Variants in PALM2AKAP2 observed in about 807,000 individuals in gnomAD.
The protein encoded by PALM2AKAP2 is PALM2-AKAP2 fusion protein.
In PALM2AKAP2, 37 loss-of-function variants were observed where a neutral mutation model predicts 71.5. The ratio of observed to expected loss-of-function variants is 0.52; its 90% CI spans 0.40 to 0.68. PALM2AKAP2 has a LOEUF of 0.68. Among genes scored for constraint, PALM2AKAP2 ranks in the 30% least tolerant of loss-of-function variants. The probability of loss-of-function intolerance (pLI) is 0.00; values close to 1 mark genes in which losing one functional copy is unlikely to be tolerated. For missense variants in PALM2AKAP2, 1,224 were observed against 1,191.8 expected, an observed-to-expected ratio of 1.03 and a Z score of -0.40; for synonymous variants, 468 against 478.8, an observed-to-expected ratio of 0.98 and a Z score of 0.29.
chr9:109,767,057 G>C (rs905021300), intron 1 of PALM2AKAP2, among the ~76,000 whole-genome samples: 1 of 152,144 alleles, frequency 6.6e-6, no homozygotes, highest in Non-Finnish European at 1.5e-5. Flanking sequence ...ACACCGATAT[G>C]AGTTAGGCAC....
At chr9:109,671,400 A>G (rs999031668) in intron 1 of PALM2AKAP2, among the ~76,000 whole-genome samples, 2 of 152,176 alleles carry the variant, frequency 1.3e-5, no homozygotes, top group East Asian at 1.9e-4. Flanking sequence ...TTTGTTGAAG[A>G]ACGGATAGTT....
In PALM2AKAP2 at chr9:109,758,899, T is replaced by C. The variant is rs150633301; in HGVS notation, c.6-21589T>C. On this transcript the variant is annotated intron_variant, in intron 1 of 6. Transcript: ENST00000374531. ...AGTTGTACCTATTTGTGGGGTATAA[T>C]GTGAGATAGTGCAGCTTTCATTTGC... Among the ~76,000 whole-genome samples, 12 of 152,272 alleles carry C rather than the reference T, an allele frequency of 7.9e-5. No individual in the cohort carries two copies. In the East Asian group the frequency reaches 2.1e-3, roughly 27 times the overall value.
At chr9:109,648,835 C>T (rs1184711744) in intron 1 of PALM2AKAP2, among the ~76,000 whole-genome samples, 1 of 152,190 alleles carries the variant, frequency 6.6e-6, no homozygotes, top group Non-Finnish European at 1.5e-5. Flanking sequence ...TGTTTTCAAA[C>T]AGGGCCAAAG....
At chr9:110,163,462 C>A (rs1218267509) in intron 3 of PALM2AKAP2, among the ~76,000 whole-genome samples, 1 of 151,976 alleles carries the variant, frequency 6.6e-6, no homozygotes, top group East Asian at 1.9e-4. Context: ...CAATTTAAGC[C>A]CTCTCGTACT....
chr9:110,146,652 G>A (rs1214885390), intron 2 of PALM2AKAP2, among the ~76,000 whole-genome samples: 1 of 152,172 alleles, frequency 6.6e-6, no homozygotes, highest in African/African-American at 2.4e-5. Context: ...CTGGGGTTCA[G>A]GGCAGAATAT....
intron 1 of PALM2AKAP2, among the ~76,000 whole-genome samples, chr9:109,657,904 G>C (rs1360707240): frequency 6.6e-6 from 1 of 150,616 alleles, no homozygotes; most frequent in African/African-American, 2.4e-5. Context: ...CTTGGTGTAA[G>C]TTTTGGAGAT....
intron 1 of PALM2AKAP2, among the ~76,000 whole-genome samples, chr9:109,830,800 C>T (rs565934446): frequency 1.4e-4 from 21 of 152,278 alleles, no homozygotes; most frequent in East Asian, 1.4e-3. Flanking sequence ...TTACCAGTGA[C>T]GCAGCGGAAG....
intron 6 of PALM2AKAP2, among the ~76,000 whole-genome samples, chr9:109,978,654 G>T (rs1391856493): frequency 6.6e-6 from 1 of 152,182 alleles, no homozygotes; most frequent in Non-Finnish European, 1.5e-5. Flanking sequence ...CACTGAGAAT[G>T]AAGAGTCCCC....
intron 1 of PALM2AKAP2, among the ~76,000 whole-genome samples, chr9:109,726,781 T>C (rs1828484537): frequency 1.3e-5 from 2 of 152,326 alleles, no homozygotes; most frequent in South Asian, 4.1e-4. Context: ...ATACAATAGC[T>C]ACTAGGCATG....
At chr9:110,073,889 C>T (rs1430481162) in intron 1 of PALM2AKAP2, among the ~76,000 whole-genome samples, 3 of 152,066 alleles carry the variant, frequency 2.0e-5, no homozygotes, top group Non-Finnish European at 4.4e-5. Context: ...TATTGTCCCA[C>T]CAGGATATTT....
intron 6 of PALM2AKAP2, among the ~76,000 whole-genome samples, chr9:110,001,689 T>C (rs1832683858): frequency 6.6e-6 from 1 of 152,196 alleles, no homozygotes; most frequent in Non-Finnish European, 1.5e-5. Context: ...TTTGATTTCA[T>C]TGAGCAGTGG....
chr9:109,651,546 A>G (rs1827225678), intron 1 of PALM2AKAP2, among the ~76,000 whole-genome samples: 1 of 152,184 alleles, frequency 6.6e-6, no homozygotes, highest in Non-Finnish European at 1.5e-5. Context: ...TAGCTCACAC[A>G]GCATGTGAGG....
At chr9:110,147,141 C>T (rs926004116) in intron 2 of PALM2AKAP2, among the ~76,000 whole-genome samples, 4 of 151,554 alleles carry the variant, frequency 2.6e-5, no homozygotes, top group Non-Finnish European at 5.9e-5. Flanking sequence ...ATCCCAGCTA[C>T]TCGGGAGGCT....
chr9:109,702,345 A>C (rs1828074029), intron 1 of PALM2AKAP2, among the ~76,000 whole-genome samples: 1 of 152,246 alleles, frequency 6.6e-6, no homozygotes, highest in African/African-American at 2.4e-5. Flanking sequence ...ACCAACCCAA[A>C]TGTCCAACAA....
chr9:109,787,147 G>C (rs917459827), intron 1 of PALM2AKAP2, among the ~76,000 whole-genome samples: 1 of 152,220 alleles, frequency 6.6e-6, no homozygotes, highest in African/African-American at 2.4e-5. Context: ...CCTGGCGCAA[G>C]TCCTGGCCTT....
At chr9:109,956,677 T>G (rs1831752468) in intron 6 of PALM2AKAP2, among the ~76,000 whole-genome samples, 1 of 152,180 alleles carries the variant, frequency 6.6e-6, no homozygotes, top group Non-Finnish European at 1.5e-5. Context: ...GGCATCATAT[T>G]TGTTATTTTT....
intron 1 of PALM2AKAP2, among the ~76,000 whole-genome samples, chr9:109,837,868 G>C (rs962101795): frequency 6.6e-6 from 1 of 152,164 alleles, no homozygotes; most frequent in Non-Finnish European, 1.5e-5. Context: ...GGAGCACCCA[G>C]ATTCATAAAA....
chr9:109,716,884 A>T (rs1828332173), intron 1 of PALM2AKAP2, among the ~76,000 whole-genome samples: 1 of 152,072 alleles, frequency 6.6e-6, no homozygotes, highest in Non-Finnish European at 1.5e-5. Flanking sequence ...TATTATGAGT[A>T]AGTGAAGAAA....
chr9:109,705,193 T>G (rs1181981095), intron 1 of PALM2AKAP2, among the ~76,000 whole-genome samples: 2 of 152,148 alleles, frequency 1.3e-5, no homozygotes, highest in Non-Finnish European at 2.9e-5. Flanking sequence ...GGAAAACAAG[T>G]GCCCCTAGCA....
Sources: allele counts gnomAD v4.1 joint callset (sites outside exome capture counted in the v4.1 genomes callset), GRCh38; gene constraint gnomAD v4.1.1; transcripts MANE v1.5; gene names NCBI Gene and HGNC (gene_info 2026-07-23, HGNC 2026-07-21).